ARHGAP10: variants seen among roughly 807,000 people sequenced by gnomAD.
ARHGAP10 encodes rho GTPase-activating protein 10.
A neutral mutation model predicts 108.6 loss-of-function variants in ARHGAP10; 87 were observed. The observed-to-expected ratio is 0.80, with a 90% CI of 0.67 to 0.96. The LOEUF (loss-of-function observed/expected upper bound fraction) is 0.96. Among genes scored for constraint, ARHGAP10 ranks in the 40% least tolerant of loss-of-function variants. The probability of loss-of-function intolerance (pLI) is 0.00; values close to 1 mark genes in which losing one functional copy is unlikely to be tolerated. For synonymous variants in ARHGAP10, 347 were observed against 341.1 expected (o/e 1.02, Z -0.19); for missense variants, 939 against 954.5 (o/e 0.98, Z 0.21).
intron 1 of ARHGAP10, among the ~76,000 whole-genome samples, chr4:147,806,460 G>C (rs1343658697): frequency 1.3e-5 from 2 of 150,450 alleles, no homozygotes; most frequent in East Asian, 3.9e-4. Context: ...TATAGTACCA[G>C]ATTAAGTAAT....
intron 13 of ARHGAP10, among the ~76,000 whole-genome samples, chr4:147,920,690 A>G (rs1399658170): frequency 6.6e-6 from 1 of 152,212 alleles, no homozygotes. Flanking sequence ...TTTGTAAGTA[A>G]TTGAAGTGTA....
rs1246154780 is a variant in ARHGAP10 at position 147,954,301 on chromosome 4, C to T, written c.1392-1015C>T. Among the ~76,000 whole-genome samples, 4 of 152,042 alleles carry T rather than the reference C, an allele frequency of 2.6e-5. No individual in the cohort carries two copies. In the East Asian group the frequency reaches 7.7e-4, roughly 29 times the overall value. On this transcript the variant is annotated intron_variant, in intron 15 of 22. Coordinates refer to ENST00000336498, the MANE Select transcript of ARHGAP10 (RefSeq NM_024605.4). Reference sequence around the variant, plus strand: ...CTGAAACAGAGAGGTGTTTAACTCTCTGATTATAGTTGTGGATTTGCCCAT... The same window carrying T: ...CTGAAACAGAGAGGTGTTTAACTCTTTGATTATAGTTGTGGATTTGCCCAT...
chr4:147,747,704 C>G (rs1728994049), intron 1 of ARHGAP10, among the ~76,000 whole-genome samples: 1 of 151,984 alleles, frequency 6.6e-6, no homozygotes, highest in Non-Finnish European at 1.5e-5. Flanking sequence ...CTTCCCCTTT[C>G]TTCAGATTAT....
intron 1 of ARHGAP10, among the ~76,000 whole-genome samples, chr4:147,754,198 T>A (rs191452465): frequency 6.6e-6 from 1 of 152,302 alleles, no homozygotes. Flanking sequence ...TAGGTTAAGC[T>A]AAGAAGCAGA....
At chr4:147,882,059 CTG>C (rs1228612238) in intron 10 of ARHGAP10, 127 bp downstream of exon 10, 1 of 846,454 alleles carries the variant, frequency 1.2e-6, no homozygotes, top group Non-Finnish European at 1.9e-6. Context: ...TATTTCCAGG[CTG>C]TGTGTTCATT....
At chr4:148,057,133 T>A (rs1013230406) in intron 20 of ARHGAP10, among the ~76,000 whole-genome samples, 10 of 152,176 alleles carry the variant, frequency 6.6e-5, no homozygotes, top group Admixed American at 2.0e-4. Context: ...GCATAGCCTC[T>A]AGCTATTGAC....
At chr4:147,880,477 C>T (rs1579153825) in intron 9 of ARHGAP10, among the ~76,000 whole-genome samples, 1 of 152,156 alleles carries the variant, frequency 6.6e-6, no homozygotes, top group African/African-American at 2.4e-5. Flanking sequence ...AGAGCCAGTT[C>T]AAGTCCTAAG....
intron 18 of ARHGAP10, among the ~76,000 whole-genome samples, chr4:148,014,569 A>G (rs924571604): frequency 8.5e-5 from 13 of 152,344 alleles, no homozygotes; most frequent in African/African-American, 3.1e-4. Flanking sequence ...CGTATTATCA[A>G]AGTTATTATT....
chr4:148,007,901 C>T (rs112134436), intron 18 of ARHGAP10, among the ~76,000 whole-genome samples: 91 of 152,210 alleles, frequency 6.0e-4, no homozygotes, highest in African/African-American at 1.9e-3. Context: ...TCACAGTCTT[C>T]GGAGACACTT....
chr4:147,800,100 G>A (rs963080975), intron 1 of ARHGAP10, among the ~76,000 whole-genome samples: 3 of 152,080 alleles, frequency 2.0e-5, no homozygotes, highest in South Asian at 2.1e-4. Context: ...TAGGGCTGCC[G>A]TCTCATTTCC....
In ARHGAP10 at chr4:147,918,335, C is replaced by A. The variant is rs111525874; in HGVS notation, c.1228+5196C>A. 1.3e-3 allele frequency among the ~76,000 whole-genome samples: 193 copies of A among 152,124 alleles called. 3 individuals carry two copies. The highest frequency in any genetic ancestry group is 3.3e-3 in the African/African-American group (138 of 41,484). ...TATTTTTAGTAGAGACAGGGTTTCA[C>A]CGTGTTAGCCAGGATGGTCTTGATC... is the stretch of plus-strand genomic sequence containing the variant. On this transcript the variant is annotated intron_variant, in intron 13 of 22. Coordinates refer to ENST00000336498, the MANE Select transcript of ARHGAP10 (RefSeq NM_024605.4).
chr4:147,987,813 A>C (rs1345802285), intron 18 of ARHGAP10, among the ~76,000 whole-genome samples: 2 of 152,184 alleles, frequency 1.3e-5, no homozygotes, highest in African/African-American at 2.4e-5. Context: ...GAGGGAGAAG[A>C]GGAGTGGGAG....
intron 13 of ARHGAP10, among the ~76,000 whole-genome samples, chr4:147,930,151 G>A (rs1191550915): frequency 6.6e-6 from 1 of 152,112 alleles, no homozygotes; most frequent in East Asian, 1.9e-4. Context: ...TACTAGATGA[G>A]AGCTGAATGT....
intron 18 of ARHGAP10, among the ~76,000 whole-genome samples, chr4:148,002,518 A>T (rs9760912): frequency 6.6e-6 from 1 of 152,156 alleles, no homozygotes; most frequent in Admixed American, 6.5e-5. Flanking sequence ...CTCTGGTAGA[A>T]TTCGGCTGTG....
chr4:148,066,384 C>G (rs1729877503), intron 22 of ARHGAP10, among the ~76,000 whole-genome samples: 1 of 152,214 alleles, frequency 6.6e-6, no homozygotes. Flanking sequence ...GATACCTGCT[C>G]TGGGCACACA....
chr4:147,887,199 G>C (rs6535570), intron 10 of ARHGAP10, among the ~76,000 whole-genome samples: 152,246 of 152,252 alleles, frequency 1, 76,120 homozygotes, highest in Non-Finnish European at 1. Flanking sequence ...AACAAGAGCT[G>C]TTTCCCGCTC....
chr4:147,924,229 C>T (rs1737361780), intron 13 of ARHGAP10, among the ~76,000 whole-genome samples: 1 of 152,142 alleles, frequency 6.6e-6, no homozygotes, highest in Admixed American at 6.5e-5. Context: ...AATAGGGGCA[C>T]ATCCTTCCTC....
intron 13 of ARHGAP10, among the ~76,000 whole-genome samples, chr4:147,935,634 A>G (rs1231130023): frequency 6.6e-6 from 1 of 152,230 alleles, no homozygotes; most frequent in Non-Finnish European, 1.5e-5. Context: ...ATGCCTTGGC[A>G]TATTGGTTGG....
chr4:147,759,070 T>G (rs561879116), intron 1 of ARHGAP10, among the ~76,000 whole-genome samples: 111 of 152,224 alleles, frequency 7.3e-4, no homozygotes, highest in African/African-American at 2.5e-3. Flanking sequence ...AGGCAGAGGT[T>G]TTTGTCTTAG....
Sources: allele counts gnomAD v4.1 joint callset (sites outside exome capture counted in the v4.1 genomes callset), GRCh38; gene constraint gnomAD v4.1.1; transcripts MANE v1.5; gene names NCBI Gene and HGNC (gene_info 2026-07-23, HGNC 2026-07-21).